ZNF727: variants seen among roughly 807,000 people sequenced by gnomAD.
ZNF727 encodes the protein zinc finger protein 727.
A neutral mutation model predicts 11.5 loss-of-function variants in ZNF727; 11 were observed. That is an observed-to-expected ratio of 0.95 (90% CI 0.60 to 1.58). The LOEUF is 1.58. Ranked by LOEUF, ZNF727 falls within the 40% of genes most tolerant of loss-of-function variation. The pLI is 0.00. For missense variants in ZNF727, 533 were observed against 581.7 expected, an observed-to-expected ratio of 0.92 and a Z score of 0.86; for synonymous variants, 171 against 196.1, an observed-to-expected ratio of 0.87 and a Z score of 1.07.
intron 3 of ZNF727, among the ~76,000 whole-genome samples, chr7:64,070,722 C>T (rs1362424060): frequency 6.6e-6 from 1 of 152,006 alleles, no homozygotes; most frequent in African/African-American, 2.4e-5. Flanking sequence ...CCTTAGGTTA[C>T]CATAACTTAT....
At chr7:64,057,892 G>A (rs930564652) in intron 1 of ZNF727, among the ~76,000 whole-genome samples, 2 of 152,030 alleles carry the variant, frequency 1.3e-5, no homozygotes, top group Admixed American at 1.3e-4. Flanking sequence ...ATTGTCAAAG[G>A]CTTCCATCTA....
At chr7:64,069,437 T>C in intron 2 of ZNF727, 77 bp from the exon 3 acceptor site, 1 of 1,185,386 alleles carries the variant, frequency 8.4e-7, no homozygotes, top group Non-Finnish European at 1.2e-6. Flanking sequence ...TGTTCTCTCT[T>C]CTCTACTGAG....
intron 1 of ZNF727, among the ~76,000 whole-genome samples, chr7:64,065,429 A>G (rs1789847447): frequency 6.6e-6 from 1 of 152,154 alleles, no homozygotes; most frequent in African/African-American, 2.4e-5. Context: ...CTCCCCTGTG[A>G]TAAAAGACAA....
rs1785855791 is a variant in ZNF727 at position 64,085,334 on chromosome 7, A to G, written c.*6785A>G. ...TTGATTTTATTAAATTTATTGGGTC[A>G]ATTTATTCAAGTAGAGTTGAACATT... is the stretch of plus-strand genomic sequence containing the variant. On this transcript the variant is annotated 3_prime_UTR_variant, in exon 4 of 4. Coordinates refer to ENST00000456806, the MANE Select transcript of ZNF727 (RefSeq NM_001159522.3). Among the ~76,000 whole-genome samples the G allele has an allele frequency of 6.6e-6, 1 of 152,166 alleles. No homozygotes were observed. Among genetic ancestry groups the G allele is most frequent in the African/African-American group, 2.4e-5 (1 of 41,436 alleles).
chr7:64,051,651 T>G (rs1235584891), intron 1 of ZNF727, among the ~76,000 whole-genome samples: 6 of 152,392 alleles, frequency 3.9e-5, no homozygotes, highest in African/African-American at 1.4e-4. Flanking sequence ...CAATTTTTTT[T>G]TCCCAATTTG....
chr7:64,048,112 A>T (rs1346795053), intron 1 of ZNF727, among the ~76,000 whole-genome samples: 1 of 152,194 alleles, frequency 6.6e-6, no homozygotes, highest in Non-Finnish European at 1.5e-5. Flanking sequence ...TGTTGCCTTG[A>T]ATATATATGT....
rs1311374136 is a variant in ZNF727 at position 64,083,978 on chromosome 7, A to G, written c.*5429A>G. On this transcript the variant is annotated 3_prime_UTR_variant, in exon 4 of 4. Coordinates refer to ENST00000456806, the MANE Select transcript of ZNF727 (RefSeq NM_001159522.3). ...AATATTGATGTAATTTAACTCTTAC[A>G]TTTGATGCTATGTCTTCATTCTAGA... is the stretch of plus-strand genomic sequence containing the variant. Among the ~76,000 whole-genome samples, 1 of 152,208 alleles carries G rather than the reference A, an allele frequency of 6.6e-6. No individual in the cohort carries two copies. Among genetic ancestry groups the G allele is most frequent in the African/African-American group, 2.4e-5 (1 of 41,440 alleles).
Position 64,084,420 on chromosome 7 carries a change from G to A in ZNF727, c.*5871G>A, listed in dbSNP as rs1785841383. Among the ~76,000 whole-genome samples the A allele has an allele frequency of 1.3e-5, 2 of 152,150 alleles. No individual in the cohort carries two copies. ...ACTGAATGTGTATCTTGCCACTGAT[G>A]TTAACTTATCCCATCTTACCCAAGG... On this transcript the variant is annotated 3_prime_UTR_variant, in exon 4 of 4. Transcript: ENST00000456806.
At chr7:64,063,082 A>G (rs1490205257) in intron 1 of ZNF727, among the ~76,000 whole-genome samples, 1 of 99,848 alleles carries the variant, frequency 1.0e-5, no homozygotes, top group Non-Finnish European at 2.4e-5. Flanking sequence ...CCTGTCTGAA[A>G]GGTTACATAT....
In ZNF727 at chr7:64,081,959, C is replaced by T. The variant is rs865811596; in HGVS notation, c.*3410C>T. On this transcript the variant is annotated 3_prime_UTR_variant, in exon 4 of 4. Transcript: ENST00000456806. ...TAGGCCAGCAATCACTCAGTGCAGT[C>T]CGACCAGGATGGAGGATCTGTGCTT... Among the ~76,000 whole-genome samples, 4 of 152,066 alleles carry T rather than the reference C, an allele frequency of 2.6e-5. No individual in the cohort carries two copies. Among genetic ancestry groups the T allele is most frequent in the African/African-American group, 9.6e-5 (4 of 41,480 alleles).
At chr7:64,069,698 T>C (rs1362354479) in intron 3 of ZNF727, 89 bp downstream of exon 3, 5 of 1,025,966 alleles carry the variant, frequency 4.9e-6, no homozygotes, top group Non-Finnish European at 7.2e-6. Context: ...TTCCAGAAGC[T>C]CTGCTCCAGT....
In ZNF727 at chr7:64,084,787, T is replaced by C. The variant is rs1418408692; in HGVS notation, c.*6238T>C. Among the ~76,000 whole-genome samples, 1 of 152,196 alleles carries C rather than the reference T, an allele frequency of 6.6e-6. No individual in the cohort carries two copies. The highest frequency in any genetic ancestry group is 1.9e-4 in the East Asian group (1 of 5,208). ...ACAAATGTATCACTGTAAAATAAAC[T>C]TTAAGTGTAACAGATTTATAGAGAA... On this transcript the variant is annotated 3_prime_UTR_variant, in exon 4 of 4. Transcript: ENST00000456806.
intron 1 of ZNF727, among the ~76,000 whole-genome samples, chr7:64,067,762 A>G (rs1789892892): frequency 6.6e-6 from 1 of 152,088 alleles, no homozygotes; most frequent in Admixed American, 6.6e-5. Flanking sequence ...GGGGAGGGAG[A>G]GCATTAGGAC....
intron 1 of ZNF727, among the ~76,000 whole-genome samples, chr7:64,062,592 A>G (rs1789788335): frequency 6.7e-6 from 1 of 149,266 alleles, no homozygotes; most frequent in Non-Finnish European, 1.5e-5. Context: ...AGAAACCTTT[A>G]TCTTTGACCT....
At chr7:64,062,245 T>G (rs1323215113) in intron 1 of ZNF727, among the ~76,000 whole-genome samples, 1 of 152,066 alleles carries the variant, frequency 6.6e-6, no homozygotes, top group African/African-American at 2.4e-5. Flanking sequence ...GCTAGAAAAT[T>G]TTGTGTTTGT....
At chr7:64,075,689 A>G (rs1194617478) in intron 3 of ZNF727, among the ~76,000 whole-genome samples, 1 of 152,168 alleles carries the variant, frequency 6.6e-6, no homozygotes, top group Non-Finnish European at 1.5e-5. Context: ...TTGGGTATAC[A>G]TGGATATAAA....
rs1785756665 is a variant in ZNF727 at position 64,079,944 on chromosome 7, G to C, written c.*1395G>C. ...TACTTTGGCCGGATGTGAACTTCTGGATTAGAATTCTTTTTTAAAGAAAGT... is the reference window on the plus strand; with the variant it reads ...TACTTTGGCCGGATGTGAACTTCTGCATTAGAATTCTTTTTTAAAGAAAGT... On this transcript the variant is annotated 3_prime_UTR_variant, in exon 4 of 4. Coordinates refer to ENST00000456806, the MANE Select transcript of ZNF727 (RefSeq NM_001159522.3). 6.6e-6 allele frequency among the ~76,000 whole-genome samples: 1 copy of C among 152,136 alleles called. No individual in the cohort carries two copies. The highest frequency in any genetic ancestry group is 1.5e-5 in the Non-Finnish European group (1 of 68,026).
intron 1 of ZNF727, among the ~76,000 whole-genome samples, chr7:64,061,089 A>G (rs1254148457): frequency 6.6e-6 from 1 of 152,158 alleles, no homozygotes; most frequent in Admixed American, 6.6e-5. Flanking sequence ...TTGTGACCTA[A>G]CATATGGTCT....
At position 64,069,687 on chromosome 7, in the gene ZNF727, C is replaced by T. The variant is rs928099462; in HGVS notation, c.226+78C>T. On this transcript the variant is annotated intron_variant, in intron 3 of 3. Coordinates refer to ENST00000456806, the MANE Select transcript of ZNF727 (RefSeq NM_001159522.3). ...GGAGGAAGCCAGACCTTGAAACATG[C>T]TTCCAGAAGCTCTGCTCCAGTGGAA... 1.3e-5 allele frequency: 14 copies of T among 1,110,862 alleles called. No homozygotes were observed. In the African/African-American group the frequency reaches 1.9e-4, roughly 15 times the overall value. The allele number at this position is 1,110,862 out of a possible 1,614,324, so 68.8% of individuals were successfully genotyped here.
Sources: gnomAD v4.1 joint callset for allele counts (sites outside exome capture counted in the v4.1 genomes callset) on GRCh38, gnomAD v4.1.1 for gene constraint, MANE v1.5 for transcripts, NCBI Gene and HGNC (gene_info 2026-07-23, HGNC 2026-07-21) for gene names.